Variants in CACNA2D3 observed in about 807,000 individuals in gnomAD.
CACNA2D3 encodes the protein calcium voltage-gated channel auxiliary subunit alpha2delta 3.
A neutral mutation model predicts 160.6 loss-of-function variants in CACNA2D3; 60 were observed. The ratio of observed to expected loss-of-function variants is 0.37; its 90% CI spans 0.30 to 0.46. The LOEUF is 0.46. CACNA2D3 is among the 20% of genes least tolerant of loss of function. CACNA2D3 has a pLI of 1.00. For synonymous variants in CACNA2D3, 558 were observed against 492.9 expected (o/e 1.13, Z -1.75); for missense variants, 1,205 against 1,365.0 (o/e 0.88, Z 1.85).
At position 54,148,269 on chromosome 3, in the gene CACNA2D3, A is replaced by G. The variant is rs777826617; in HGVS notation, c.204+24675A>G. 2.2e-4 allele frequency among the ~76,000 whole-genome samples: 33 copies of G among 152,242 alleles called. 1 individual carries two copies. Among genetic ancestry groups the G allele is most frequent in the Admixed American group, 6.5e-5 (1 of 15,284 alleles). The stretch of plus-strand genomic sequence containing the variant: ...AGGTCCCTCCCTTGAAGGGCTCACA[A>G]TGTGGAGGGACAGGTAGACACAGAA... On this transcript the variant is annotated intron_variant, in intron 2 of 37. Transcript: ENST00000474759.
At chr3:54,961,183 C>A (rs2107046972) in intron 27 of CACNA2D3, among the ~76,000 whole-genome samples, 1 of 152,326 alleles carries the variant, frequency 6.6e-6, no homozygotes, top group Non-Finnish European at 1.5e-5. Flanking sequence ...TCACTGCTAG[C>A]AATCTTTGCC....
At chr3:54,878,355 A>G (rs1345542355) in intron 18 of CACNA2D3, among the ~76,000 whole-genome samples, 1 of 151,970 alleles carries the variant, frequency 6.6e-6, no homozygotes, top group Admixed American at 6.6e-5. Flanking sequence ...CTCTGAACTC[A>G]TGGAAGGGCC....
chr3:54,205,752 G>A (rs182276669), intron 2 of CACNA2D3, among the ~76,000 whole-genome samples: 10 of 152,188 alleles, frequency 6.6e-5, no homozygotes, highest in Admixed American at 6.5e-4. Flanking sequence ...GGGTGATGCT[G>A]AGTCGGGGAG....
In CACNA2D3 at chr3:55,066,556, C is replaced by T. The variant is rs983299195; in HGVS notation, c.2988-6889C>T. Among the ~76,000 whole-genome samples, 3 of 152,210 alleles carry T rather than the reference C, an allele frequency of 2.0e-5. No homozygotes were observed. The South Asian group carries it at 6.2e-4, about 32-fold the overall frequency. ...AGGGAGGCATGGTGATCGCTTTCAT[C>T]ATTTGCTCAGGAAAGCCCCTCTCGG... On this transcript the variant is annotated intron_variant, in intron 35 of 37. Coordinates refer to ENST00000474759, the MANE Select transcript of CACNA2D3 (RefSeq NM_018398.3).
At chr3:54,130,074 A>G (rs1362862561) in intron 2 of CACNA2D3, among the ~76,000 whole-genome samples, 1 of 152,210 alleles carries the variant, frequency 6.6e-6, no homozygotes, top group Non-Finnish European at 1.5e-5. Context: ...CTGGCTATGT[A>G]ATTTGTGGTC....
chr3:54,888,072 C>T lies in CACNA2D3; in HGVS notation c.2150+20C>T, dbSNP rs770585534. 1 of 1,572,356 alleles carries T rather than the reference C, an allele frequency of 6.4e-7. No homozygotes were observed. The highest frequency in any genetic ancestry group is 1.1e-5 in the South Asian group (1 of 90,204). ...ATCTGAGTAAGTGGTTGCACGTGTC[C>T]TCGTTTCATGGCCATTTCCTCACCA... On this transcript the variant is annotated intron_variant, in intron 24 of 37. Coordinates refer to ENST00000474759, the MANE Select transcript of CACNA2D3 (RefSeq NM_018398.3).
At chr3:54,387,812 CAT>C (rs1699215061) in intron 4 of CACNA2D3, among the ~76,000 whole-genome samples, 1 of 152,216 alleles carries the variant, frequency 6.6e-6, no homozygotes, top group African/African-American at 2.4e-5. Context: ...CTTTGCTAGA[CAT>C]ATTTCTTTTA....
At chr3:54,254,071 C>T (rs1169926720) in intron 2 of CACNA2D3, among the ~76,000 whole-genome samples, 2 of 152,080 alleles carry the variant, frequency 1.3e-5, no homozygotes, top group Non-Finnish European at 2.9e-5. Context: ...GGCCGATTTC[C>T]TGTGTTTCTT....
chr3:54,576,621 C>T (rs1203151251), intron 8 of CACNA2D3, among the ~76,000 whole-genome samples: 1 of 152,138 alleles, frequency 6.6e-6, no homozygotes, highest in African/African-American at 2.4e-5. Flanking sequence ...GGACAGTTAC[C>T]TCAGCAAGAG....
intron 11 of CACNA2D3, among the ~76,000 whole-genome samples, chr3:54,681,382 C>CAAAAAAAAAAAAAAA (rs565556596): frequency 9.7e-5 from 6 of 62,094 alleles, no homozygotes; most frequent in African/African-American, 4.0e-4. Context: ...ACTAAAAATA[C>CAAAAAAAAAAAAAAA]AAAAAAAAAA....
chr3:54,480,769 G>A (rs1416403035), intron 4 of CACNA2D3, among the ~76,000 whole-genome samples: 5 of 152,122 alleles, frequency 3.3e-5, no homozygotes, highest in Admixed American at 3.3e-4. Flanking sequence ...GGTGTTAAAT[G>A]CCTGGAAAGC....
chr3:54,274,880 G>A (rs1454369745), intron 2 of CACNA2D3, among the ~76,000 whole-genome samples: 1 of 152,258 alleles, frequency 6.6e-6, no homozygotes, highest in East Asian at 1.9e-4. Flanking sequence ...AGGGGAGACA[G>A]CAAGAGAGCC....
intron 27 of CACNA2D3, among the ~76,000 whole-genome samples, chr3:54,939,742 G>A (rs1701416861): frequency 6.6e-6 from 1 of 152,254 alleles, no homozygotes; most frequent in African/African-American, 2.4e-5. Context: ...TTGCTGGGCA[G>A]GAAGGAGGGA....
intron 5 of CACNA2D3, among the ~76,000 whole-genome samples, chr3:54,553,359 G>T (rs73093859): frequency 2.6e-5 from 4 of 152,202 alleles, no homozygotes; most frequent in East Asian, 1.9e-4. Context: ...AACCATTCTC[G>T]TCTTGAATTT....
intron 2 of CACNA2D3, among the ~76,000 whole-genome samples, chr3:54,181,864 A>C (rs1472168208): frequency 6.6e-6 from 1 of 152,156 alleles, no homozygotes; most frequent in African/African-American, 2.4e-5. Context: ...TAAGAGAGAA[A>C]TGAAACCGTG....
intron 18 of CACNA2D3, chr3:54,874,555 A>G (rs1383986974): frequency 6.6e-6 from 1 of 152,262 alleles, no homozygotes. Context: ...TCATAAAAAT[A>G]ATAACTGCCA....
intron 3 of CACNA2D3, among the ~76,000 whole-genome samples, chr3:54,352,577 G>T (rs1698582699): frequency 6.6e-6 from 1 of 152,170 alleles, no homozygotes; most frequent in Non-Finnish European, 1.5e-5. Context: ...GTTTGGAAAG[G>T]CCCTTCCCAA....
chr3:55,015,833 G>T (rs1163076472), intron 34 of CACNA2D3, among the ~76,000 whole-genome samples: 1 of 152,152 alleles, frequency 6.6e-6, no homozygotes, highest in African/African-American at 2.4e-5. Flanking sequence ...ATCAAACAAA[G>T]ATGTCCTTCT....
At chr3:54,405,167 C>T (rs1464910625) in intron 4 of CACNA2D3, among the ~76,000 whole-genome samples, 1 of 150,944 alleles carries the variant, frequency 6.6e-6, no homozygotes, top group Non-Finnish European at 1.5e-5. Flanking sequence ...AGATCCAATG[C>T]AATCCCTATC....
Sources: gnomAD v4.1 joint callset for allele counts (sites outside exome capture counted in the v4.1 genomes callset) on GRCh38, gnomAD v4.1.1 for gene constraint, MANE v1.5 for transcripts, NCBI Gene and HGNC (gene_info 2026-07-23, HGNC 2026-07-21) for gene names.